The following CCDC171 variants were observed in gnomAD, a reference collection of about 807,000 sequenced individuals.
CCDC171 encodes coiled-coil domain-containing protein 171.
Under a neutral mutation model 168.2 loss-of-function variants are expected in CCDC171, and 177 were observed. The observed-to-expected ratio is 1.05, with a 90% CI of 0.93 to 1.19. CCDC171 has a LOEUF of 1.19. CCDC171 is among the 50% of genes most tolerant of loss of function. The probability of loss-of-function intolerance (pLI) is 0.00; values close to 1 mark genes in which losing one functional copy is unlikely to be tolerated. For missense variants in CCDC171, 1,991 were observed against 1,539.0 expected (o/e 1.29, Z -4.91); for synonymous variants, 687 against 540.8 (o/e 1.27, Z -3.75).
chr9:15,626,141 C>G (rs979112470), intron 7 of CCDC171, among the ~76,000 whole-genome samples: 1 of 152,114 alleles, frequency 6.6e-6, no homozygotes. Context: ...TATAAGAATG[C>G]TTGTGATTTT....
chr9:16,052,759 C>G (rs1202966838), intron 1 of CCDC171, among the ~76,000 whole-genome samples: 1 of 152,082 alleles, frequency 6.6e-6, no homozygotes, highest in Non-Finnish European at 1.5e-5. Context: ...CCCCTCTGTT[C>G]ACTCCACAAA....
Position 15,577,565 on chromosome 9 carries a change from C to T in CCDC171, c.178-1284C>T, listed in dbSNP as rs371280617. 2.4e-4 allele frequency among the ~76,000 whole-genome samples: 36 copies of T among 152,282 alleles called. No individual in the cohort carries two copies. In the East Asian group the frequency reaches 6.9e-3, roughly 29 times the overall value. On this transcript the variant is annotated intron_variant, in intron 3 of 25. Transcript: ENST00000380701. ...TATATTAGCCAGCCAATATTATAAA[C>T]CCATCTTGAGACAATTTCTGATACC...
chr9:15,879,996 A>C (rs1329424569), intron 24 of CCDC171, among the ~76,000 whole-genome samples: 1 of 152,168 alleles, frequency 6.6e-6, no homozygotes, highest in Non-Finnish European at 1.5e-5. Context: ...TTCTGATAAT[A>C]GAAGAAAGTT....
chr9:15,955,398 C>G (rs2132542737), intron 25 of CCDC171, among the ~76,000 whole-genome samples: 1 of 152,168 alleles, frequency 6.6e-6, no homozygotes, highest in Middle Eastern at 3.4e-3. Flanking sequence ...GGTCACCTGC[C>G]TTTTGGTACC....
At chr9:15,613,219 A>G (rs1336168009) in intron 6 of CCDC171, among the ~76,000 whole-genome samples, 1 of 152,190 alleles carries the variant, frequency 6.6e-6, no homozygotes, top group Non-Finnish European at 1.5e-5. Context: ...ACCTGTCATC[A>G]TCAGTCTTTT....
At chr9:15,819,049 A>C (rs2059665367) in intron 21 of CCDC171, among the ~76,000 whole-genome samples, 1 of 116,748 alleles carries the variant, frequency 8.6e-6, no homozygotes, top group South Asian at 2.8e-4. Context: ...CAACATTCTT[A>C]AAGAAAAGAA....
intron 10 of CCDC171, among the ~76,000 whole-genome samples, chr9:15,689,081 A>G (rs2050608364): frequency 6.6e-6 from 1 of 151,990 alleles, no homozygotes; most frequent in South Asian, 2.1e-4. Flanking sequence ...TGAGCATTCC[A>G]AAAATAAAAT....
chr9:15,704,997 T>C (rs192810253), intron 11 of CCDC171, among the ~76,000 whole-genome samples: 18 of 152,216 alleles, frequency 1.2e-4, no homozygotes, highest in Admixed American at 7.2e-4. Context: ...GAGTAAGTTC[T>C]GGGGATCTAA....
intron 18 of CCDC171, among the ~76,000 whole-genome samples, chr9:15,756,730 C>T (rs944256067): frequency 1.3e-5 from 2 of 152,172 alleles, no homozygotes; most frequent in African/African-American, 4.8e-5. Context: ...AACTGTACTC[C>T]CATAATTCCG....
chr9:15,920,770 T>C (rs1016943006), intron 25 of CCDC171, among the ~76,000 whole-genome samples: 1 of 151,742 alleles, frequency 6.6e-6, no homozygotes, highest in Non-Finnish European at 1.5e-5. Context: ...CAGAATATTA[T>C]TAATTATGCG....
chr9:15,634,389 A>T (rs2046028492), intron 7 of CCDC171, among the ~76,000 whole-genome samples: 1 of 152,096 alleles, frequency 6.6e-6, no homozygotes, highest in Non-Finnish European at 1.5e-5. Flanking sequence ...TGGTTAGAAA[A>T]TGGAAGAAGG....
chr9:15,942,387 C>T (rs1827833236), intron 25 of CCDC171, among the ~76,000 whole-genome samples: 2 of 151,816 alleles, frequency 1.3e-5, no homozygotes, highest in African/African-American at 4.8e-5. Context: ...ATAAGGTCGT[C>T]TGGTATGTCA....
Position 15,691,329 on chromosome 9 carries a change from A to G in CCDC171, c.1216-3906A>G, listed in dbSNP as rs1025676222. Among the ~76,000 whole-genome samples, 5 of 151,806 alleles carry G rather than the reference A, an allele frequency of 3.3e-5. No individual in the cohort carries two copies. The South Asian group carries it at 1.0e-3, about 32-fold the overall frequency. ...TATGAGTGGAAAAGAAAGTAATATA[A>G]TAGTATGTATTTTATGATCCTATTT... On this transcript the variant is annotated intron_variant, in intron 10 of 25. Transcript: ENST00000380701.
At chr9:15,699,032 G>C (rs1317209835) in intron 11 of CCDC171, among the ~76,000 whole-genome samples, 1 of 152,184 alleles carries the variant, frequency 6.6e-6, no homozygotes, top group East Asian at 1.9e-4. Flanking sequence ...TCCGGAATTG[G>C]TGGTTACTTG....
intron 25 of CCDC171, among the ~76,000 whole-genome samples, chr9:15,929,368 T>G (rs945795380): frequency 6.6e-6 from 1 of 151,754 alleles, no homozygotes; most frequent in Non-Finnish European, 1.5e-5. Context: ...TTCAATTACC[T>G]ATTAAACATC....
chr9:15,809,409 C>T (rs1234433529), intron 21 of CCDC171, among the ~76,000 whole-genome samples: 3 of 152,190 alleles, frequency 2.0e-5, no homozygotes, highest in East Asian at 3.8e-4. Flanking sequence ...TTCCTGGTCT[C>T]ACTGACTTCA....
chr9:15,756,813 C>T (rs1185422874), intron 18 of CCDC171, among the ~76,000 whole-genome samples: 1 of 152,300 alleles, frequency 6.6e-6, no homozygotes, highest in East Asian at 1.9e-4. Context: ...GTTCTCATGG[C>T]AGTGAATAGG....
At chr9:15,989,665 GC>G (rs2132902315) in intron 3 of CCDC171, among the ~76,000 whole-genome samples, 1 of 149,046 alleles carries the variant, frequency 6.7e-6, no homozygotes, top group African/African-American at 2.6e-5. Flanking sequence ...TCTCAAAGAA[GC>G]TAAAAACCTT....
At chr9:16,092,090 G>A in the CCDC171 span, among the ~76,000 whole-genome samples, 1 of 152,156 alleles carries the variant, frequency 6.6e-6, no homozygotes, top group Non-Finnish European at 1.5e-5. Context: ...TGAGCTCTGT[G>A]CTACTTTTCT....
Sources: gnomAD v4.1 joint callset for allele counts (sites outside exome capture counted in the v4.1 genomes callset) on GRCh38, gnomAD v4.1.1 for gene constraint, MANE v1.5 for transcripts, NCBI Gene and HGNC (gene_info 2026-07-23, HGNC 2026-07-21) for gene names.